Variants in LRRK2 observed in about 807,000 individuals in gnomAD.
LRRK2 encodes the protein leucine-rich repeat serine/threonine-protein kinase 2.
Under a neutral mutation model 302.6 loss-of-function variants are expected in LRRK2, and 203 were observed. That is an observed-to-expected ratio of 0.67 (90% CI 0.60 to 0.75). The LOEUF (loss-of-function observed/expected upper bound fraction) is 0.75, where lower values mean the gene tolerates loss of function less well. Among genes scored for constraint, LRRK2 ranks in the 30% least tolerant of loss-of-function variants. The pLI, the probability that LRRK2 is intolerant of heterozygous loss-of-function variation, is 0.00. For synonymous variants in LRRK2, 1,066 were observed against 1,031.9 expected (o/e 1.03, Z -0.63); for missense variants, 2,830 against 2,951.0 (o/e 0.96, Z 0.95).
At chr12:40,322,946 G>A (rs1301186281) in intron 37 of LRRK2, among the ~76,000 whole-genome samples, 1 of 152,066 alleles carries the variant, frequency 6.6e-6, no homozygotes, top group Non-Finnish European at 1.5e-5. Flanking sequence ...TTCTACAAGT[G>A]AACGTAGGAA....
chr12:40,312,159 A>G (rs909918431), intron 31 of LRRK2, among the ~76,000 whole-genome samples: 2 of 152,170 alleles, frequency 1.3e-5, no homozygotes, highest in Non-Finnish European at 2.9e-5. Flanking sequence ...ATTAAGCTGT[A>G]TTAATACTGC....
chr12:40,334,888 G>T, intron 39 of LRRK2, 79 bp from the exon 40 acceptor site: 1 of 1,464,282 alleles, frequency 6.8e-7, no homozygotes, highest in Non-Finnish European at 9.5e-7. Context: ...TGTTCAGCCT[G>T]TTGATGCACT....
At chr12:40,334,469 C>T (rs1304362685) in intron 39 of LRRK2, among the ~76,000 whole-genome samples, 1 of 152,162 alleles carries the variant, frequency 6.6e-6, no homozygotes, top group Non-Finnish European at 1.5e-5. Context: ...TTACTGATAA[C>T]ATAAACACTT....
intron 18 of LRRK2, 150 bp downstream of exon 18, chr12:40,278,411 T>A (rs1211133745): frequency 1.0e-6 from 1 of 974,194 alleles, no homozygotes. Context: ...TGTAGTAGAT[T>A]TATAGAATTC....
chr12:40,362,508 T>A (rs974860029), intron 47 of LRRK2, among the ~76,000 whole-genome samples: 5 of 152,044 alleles, frequency 3.3e-5, no homozygotes, highest in Admixed American at 6.6e-5. Context: ...AGAAAATACA[T>A]TGTCCTCATC....
chr12:40,354,407 AC>A lies in LRRK2; in HGVS notation c.6687del (p.Glu2230LysfsTer9). The A allele has an allele frequency of 6.2e-7, 1 of 1,614,112 alleles. No homozygotes were observed. The highest frequency in any genetic ancestry group is 8.5e-7 in the Non-Finnish European group (1 of 1,179,982). On this transcript the variant is annotated frameshift_variant, in exon 45 of 51. Transcript: ENST00000298910. LOFTEE classifies it high-confidence loss of function. ...TQSGTLLVINTEDGKKRHTLE... is the reference protein window; with the variant it reads ...TQSGTLLVINXEDGKKRHTLE... ...GTCTGGTACTCTCCTGGTCATCAAT[AC>A]CGAAGATGGGAAAAAGAGACATACC...
chr12:40,280,368 A>C (rs1399611875), intron 18 of LRRK2, among the ~76,000 whole-genome samples: 1 of 152,134 alleles, frequency 6.6e-6, no homozygotes, highest in Non-Finnish European at 1.5e-5. Flanking sequence ...TCATGCCTGT[A>C]ATCCCAGGGC....
chr12:40,252,151 G>C (rs1015412977), intron 10 of LRRK2, among the ~76,000 whole-genome samples: 1 of 152,154 alleles, frequency 6.6e-6, no homozygotes, highest in African/African-American at 2.4e-5. Context: ...GTGAGCCTTT[G>C]TGTTTTATGG....
intron 19 of LRRK2, among the ~76,000 whole-genome samples, chr12:40,286,966 T>C (rs1204524152): frequency 6.6e-6 from 1 of 152,062 alleles, no homozygotes; most frequent in Non-Finnish European, 1.5e-5. Flanking sequence ...TTCATCACCA[T>C]ATACTGTATT....
chr12:40,310,590 G>T lies in LRRK2; in HGVS notation c.4477G>T (p.Glu1493Ter). Residue 1493 changes from glutamate (E) to a stop codon, truncating the protein, a stop_gained, in exon 31 of 51, where the codon GAA becomes TAA. Coordinates refer to ENST00000298910, the MANE Select transcript of LRRK2 (RefSeq NM_198578.4). LOFTEE classifies it high-confidence loss of function. Reference sequence around the variant, plus strand: ...TTACCACTTTGTGAATGCCACCGAGGAATCTGATGCTTTGGCAAAACTTCG... The same window carrying T: ...TTACCACTTTGTGAATGCCACCGAGTAATCTGATGCTTTGGCAAAACTTCG... Reference protein sequence around the residue: ...RDYHFVNATEESDALAKLRKT... With the variant: ...RDYHFVNATE 6.2e-7 allele frequency: 1 copy of T among 1,612,438 alleles called. No homozygotes were observed. Among genetic ancestry groups the T allele is most frequent in the Non-Finnish European group, 8.5e-7 (1 of 1,179,676 alleles).
Position 40,252,973 on chromosome 12 carries a change from C to T in LRRK2, c.1245C>T (p.Phe415=). The change falls in exon 11 of 51, where the codon TTC becomes TTT. Residue 415 remains phenylalanine, a synonymous_variant. Transcript: ENST00000298910. ...TGCATTCTTCATCAAAGGAAGTTTT[C>T]CAGGCATCTGCGAATGCATTGTCAA... ...MLMHSSSKEV[F]QASANALSTL... 1 of 1,613,346 alleles carries T rather than the reference C, an allele frequency of 6.2e-7. No individual in the cohort carries two copies. Among genetic ancestry groups the T allele is most frequent in the Non-Finnish European group, 8.5e-7 (1 of 1,179,522 alleles).
intron 31 of LRRK2, among the ~76,000 whole-genome samples, chr12:40,313,529 A>G (rs928866998): frequency 3.9e-5 from 6 of 152,038 alleles, no homozygotes; most frequent in Non-Finnish European, 1.5e-5. Context: ...CAAATAACCA[A>G]GCACAAAATT....
Position 40,365,117 on chromosome 12 carries a change from G to A in LRRK2, c.7390+67G>A, listed in dbSNP as rs747795053. 8.9e-5 allele frequency: 128 copies of A among 1,434,976 alleles called. 1 individual carries two copies. In the Admixed American group the frequency reaches 1.9e-3, roughly 21 times the overall value. 88.9% of individuals were successfully genotyped at this position (1,434,976 alleles called of 1,614,324 possible). Reference sequence around the variant, plus strand: ...CTTATAAAATATGCCTTTATTTTACGTTTACATTTTCTCTGAACTTTCCAG... The same window carrying A: ...CTTATAAAATATGCCTTTATTTTACATTTACATTTTCTCTGAACTTTCCAG... On this transcript the variant is annotated intron_variant, in intron 49 of 50. Transcript: ENST00000298910.
chr12:40,249,948 A>T lies in LRRK2; in HGVS notation c.958+3A>T. The T allele has an allele frequency of 6.2e-7, 1 of 1,613,506 alleles. No individual in the cohort carries two copies. Among genetic ancestry groups the T allele is most frequent in the Non-Finnish European group, 8.5e-7 (1 of 1,179,644 alleles). Reference sequence around the variant, plus strand: ...GCTCAGCTGTTTGGCCCTCCTCAGTAAGTAACTTCACTAAAAAGGGGATTC... The same window carrying T: ...GCTCAGCTGTTTGGCCCTCCTCAGTTAGTAACTTCACTAAAAAGGGGATTC... On this transcript the variant is annotated splice_donor_region_variant and intron_variant, in intron 8 of 50. Transcript: ENST00000298910.
intron 39 of LRRK2, 128 bp downstream of exon 39, chr12:40,328,588 C>T: frequency 1.4e-6 from 1 of 703,458 alleles, no homozygotes; most frequent in Non-Finnish European, 2.3e-6. Context: ...TTATGCAATC[C>T]TAGTTTGTCT....
At position 40,283,994 on chromosome 12, in the gene LRRK2, C is replaced by T; in HGVS notation, c.2361C>T (p.Ile787=). ...TTGGGAAAGGTGACAGCCAGATCAT[C>T]AGCTTGCTCTTAAGGAGGCTGGCCC... ...ISIGKGDSQI[I]SLLLRRLALD... Residue 787 remains isoleucine (I), a synonymous_variant, in exon 19 of 51, where the codon ATC becomes ATT. Coordinates refer to ENST00000298910, the MANE Select transcript of LRRK2 (RefSeq NM_198578.4). 1 of 1,614,014 alleles carries T rather than the reference C, an allele frequency of 6.2e-7. No homozygotes were observed. The highest frequency in any genetic ancestry group is 8.5e-7 in the Non-Finnish European group (1 of 1,179,908).
In LRRK2 at chr12:40,353,921, C is replaced by T. The variant is rs567320734; in HGVS notation, c.6577-378C>T. Among the ~76,000 whole-genome samples, 11 of 152,200 alleles carry T rather than the reference C, an allele frequency of 7.2e-5. No homozygotes were observed. In the East Asian group the frequency reaches 1.7e-3, roughly 24 times the overall value. ...ATCAGGCAGGGAGGTTGCAGTGAGC[C>T]GAGATGGCAGCAGTACAGCCCAGCT... On this transcript the variant is annotated intron_variant, in intron 44 of 50. Transcript: ENST00000298910.
At chr12:40,346,673 A>G in intron 41 of LRRK2, 80 bp from the exon 42 acceptor site, 1 of 1,311,010 alleles carries the variant, frequency 7.6e-7, no homozygotes, top group Non-Finnish European at 1.1e-6. Flanking sequence ...CTTATTTGGC[A>G]TATAGCCTAA....
At chr12:40,259,879 T>C (rs996609686) in intron 13 of LRRK2, among the ~76,000 whole-genome samples, 1 of 152,212 alleles carries the variant, frequency 6.6e-6, no homozygotes, top group Non-Finnish European at 1.5e-5. Flanking sequence ...TGTTCATCTC[T>C]GATAATTCTT....
Sources: allele counts gnomAD v4.1 joint callset (sites outside exome capture counted in the v4.1 genomes callset), GRCh38; gene constraint gnomAD v4.1.1; transcripts MANE v1.5; gene names NCBI Gene and HGNC (gene_info 2026-07-23, HGNC 2026-07-21).